FREM2: variants seen among roughly 807,000 people sequenced by gnomAD.
The protein encoded by FREM2 is FRAS1-related extracellular matrix protein 2.
FREM2 carries 119 observed loss-of-function variants against 219.9 expected under a neutral mutation model. That is an observed-to-expected ratio of 0.54 (90% CI 0.47 to 0.63). The LOEUF is 0.63. FREM2 is among the 30% of genes least tolerant of loss of function. FREM2 has a pLI of 0.00. For synonymous variants in FREM2, 1,562 were observed against 1,522.8 expected (o/e 1.03, Z -0.60); for missense variants, 4,030 against 3,993.6 (o/e 1.01, Z -0.25).
Position 38,688,896 on chromosome 13 carries a change from G to A in FREM2, c.1552G>A (p.Val518Ile). The change falls in exon 1 of 24, where the codon GTC (valine) becomes ATC (isoleucine). Residue 518 changes from valine to isoleucine, a missense_variant. By Grantham distance (29) the Val-to-Ile change is conservative (BLOSUM62 3). Transcript: ENST00000280481. Reference sequence around the variant, plus strand: ...GGCTGAGCTGGCAGCCGGCCAGGTGGTCTACCAGCATGATGACAGAGACGG... The same window carrying A: ...GGCTGAGCTGGCAGCCGGCCAGGTGATCTACCAGCATGATGACAGAGACGG... ...TVAELAAGQV[V>I]YQHDDRDGSL... The A allele has an allele frequency of 1.2e-6, 2 of 1,613,058 alleles. No homozygotes were observed. Among genetic ancestry groups the A allele is most frequent in the Non-Finnish European group, 8.5e-7 (1 of 1,179,522 alleles).
rs117934538 is a variant in FREM2 at position 38,810,030 on chromosome 13, C to G, written c.6019+25222C>G. The stretch of plus-strand genomic sequence containing the variant: ...AGTGTTTTATGGTTTTGTTGTAGAG[C>G]TCTTTCATTTCTTTGTTTAAGTTGA... On this transcript the variant is annotated intron_variant, in intron 6 of 23. Transcript: ENST00000280481. Among the ~76,000 whole-genome samples the G allele has an allele frequency of 5.3e-3, 812 of 151,816 alleles. 36 individuals carry two copies. In the East Asian group the frequency reaches 0.11, roughly 20 times the overall value.
intron 4 of FREM2, among the ~76,000 whole-genome samples, chr13:38,771,400 A>G (rs1873655110): frequency 6.6e-6 from 1 of 152,102 alleles, no homozygotes; most frequent in African/African-American, 2.4e-5. Flanking sequence ...ATTTTTTGAT[A>G]TTTCATTTCC....
intron 23 of FREM2, among the ~76,000 whole-genome samples, chr13:38,879,561 C>T (rs748215113): frequency 1.3e-5 from 2 of 152,148 alleles, no homozygotes; most frequent in African/African-American, 2.4e-5. Context: ...AAATCTCTGC[C>T]GAAGCAAGTG....
chr13:38,691,181 T>C lies in FREM2; in HGVS notation c.3837T>C (p.Ile1279=), dbSNP rs1281972760. 2.5e-6 allele frequency: 4 copies of C among 1,613,898 alleles called. No homozygotes were observed. The highest frequency in any genetic ancestry group is 2.5e-6 in the Non-Finnish European group (3 of 1,179,994). ...DSETQEDSFV[I]KLTDGKHSVE... is the part of the protein sequence containing the mutation. ...AGACCCAGGAAGACAGTTTTGTGATTAAACTAACAGATGGGAAGCACTCTG... is the reference window on the plus strand; with the variant it reads ...AGACCCAGGAAGACAGTTTTGTGATCAAACTAACAGATGGGAAGCACTCTG... The change falls in exon 1 of 24, where the codon ATT becomes ATC. Residue 1279 remains isoleucine (I), a synonymous_variant. Transcript: ENST00000280481.
At chr13:38,705,685 A>G (rs1442469796) in intron 2 of FREM2, among the ~76,000 whole-genome samples, 1 of 152,220 alleles carries the variant, frequency 6.6e-6, no homozygotes, top group Non-Finnish European at 1.5e-5. Context: ...TCATGAAAAT[A>G]AGATCATTCA....
At position 38,687,303 on chromosome 13, in the gene FREM2, C is replaced by T. The variant is rs1247314148; in HGVS notation, c.-42C>T. ...GTTGTCTGCCCGGGGACCGACTTCG[C>T]ATGCTCTCAGGCTGACCTGTCCAAG... On this transcript the variant is annotated 5_prime_UTR_variant, in exon 1 of 24. Transcript: ENST00000280481. 1 of 1,565,534 alleles carries T rather than the reference C, an allele frequency of 6.4e-7. No homozygotes were observed. The highest frequency in any genetic ancestry group is 1.9e-5 in the Admixed American group (1 of 53,638).
rs565063490 is a variant in FREM2, at chr13:38,813,745, G to A, written c.6019+28937G>A. Among the ~76,000 whole-genome samples, 5 of 150,564 alleles carry A rather than the reference G, an allele frequency of 3.3e-5. No homozygotes were observed. In the South Asian group the frequency reaches 1.1e-3, roughly 32 times the overall value. On this transcript the variant is annotated intron_variant, in intron 6 of 23. Coordinates refer to ENST00000280481, the MANE Select transcript of FREM2 (RefSeq NM_207361.6). ...CTTGAATGTTTATCTTTTTCTCTAG[G>A]TTTGGGAAGTTCTCTGATATTATCC...
Position 38,818,653 on chromosome 13 carries a change from A to G in FREM2, c.6020-27920A>G, listed in dbSNP as rs576065594. 2.4e-4 allele frequency among the ~76,000 whole-genome samples: 36 copies of G among 152,222 alleles called. 1 individual carries two copies. The South Asian group carries it at 7.3e-3, about 31-fold the overall frequency. The stretch of plus-strand genomic sequence containing the variant: ...CACAGTAGTGTGACTATGGTTAACA[A>G]TAAAATATTATATATTATAAAAAAG... On this transcript the variant is annotated intron_variant, in intron 6 of 23. Transcript: ENST00000280481.
chr13:38,753,094 G>T (rs1872844547), intron 2 of FREM2, among the ~76,000 whole-genome samples: 1 of 152,160 alleles, frequency 6.6e-6, no homozygotes, highest in Admixed American at 6.6e-5. Context: ...TCCCCAGAGG[G>T]AGAAGAGGGT....
chr13:38,691,555 C>G lies in FREM2; in HGVS notation c.4211C>G (p.Pro1404Arg), dbSNP rs757891332. ...IKFDVTDGIN[P>R]LIDRYFYVSI... ...TTTGATGTGACTGATGGAATAAATC[C>G]CCTCATAGATCGTTACTTTTATGTG... The change falls in exon 1 of 24, where the codon CCC (proline) becomes CGC (arginine). Residue 1404 changes from proline (P) to arginine (R), a missense_variant. Around this residue, in one of 2 missense-constraint regions of FREM2, gnomAD observed 3,102 missense variants for 2,950.7 expected, o/e 1.05. Transcript: ENST00000280481. 5 of 1,614,044 alleles carry G rather than the reference C, an allele frequency of 3.1e-6. No homozygotes were observed. The South Asian group carries it at 5.5e-5, about 18-fold the overall frequency.
chr13:38,712,873 T>A (rs888766031), intron 2 of FREM2, among the ~76,000 whole-genome samples: 1 of 152,324 alleles, frequency 6.6e-6, no homozygotes, highest in East Asian at 1.9e-4. Context: ...GATAGTAACA[T>A]GATTGAGCAT....
intron 6 of FREM2, among the ~76,000 whole-genome samples, chr13:38,831,743 G>A (rs1876518949): frequency 6.6e-6 from 1 of 150,772 alleles, no homozygotes; most frequent in Non-Finnish European, 1.5e-5. Flanking sequence ...CTGAGTAGCT[G>A]GGACTACAGG....
intron 2 of FREM2, among the ~76,000 whole-genome samples, chr13:38,711,777 G>A (rs897004958): frequency 3.9e-5 from 6 of 152,044 alleles, no homozygotes; most frequent in Non-Finnish European, 7.4e-5. Flanking sequence ...GAAGTGAATC[G>A]AGTTTATGTA....
chr13:38,785,235 A>G (rs1468205204), intron 6 of FREM2, among the ~76,000 whole-genome samples: 1 of 152,206 alleles, frequency 6.6e-6, no homozygotes, highest in East Asian at 1.9e-4. Flanking sequence ...TGTTAAATGA[A>G]TAACTAGTAA....
chr13:38,726,337 G>A (rs183857408), intron 2 of FREM2, among the ~76,000 whole-genome samples: 4 of 152,252 alleles, frequency 2.6e-5, no homozygotes, highest in East Asian at 1.9e-4. Context: ...TAGAGGAGGT[G>A]GTTTGGAATA....
chr13:38,871,523 G>A (rs1444762342), intron 16 of FREM2, among the ~76,000 whole-genome samples: 1 of 152,150 alleles, frequency 6.6e-6, no homozygotes, highest in African/African-American at 2.4e-5. Flanking sequence ...CCTTAGGACT[G>A]CCTTCATCTT....
rs372938184 is a variant in FREM2 at position 38,783,203 on chromosome 13, G to A, written c.5767+8G>A. Reference sequence around the variant, plus strand: ...TCTGTTATACCCAACAAGGTAGCTCGATTTGCCGAAAAACTAAGATAACCC... The same window carrying A: ...TCTGTTATACCCAACAAGGTAGCTCAATTTGCCGAAAAACTAAGATAACCC... On this transcript the variant is annotated splice_region_variant and intron_variant, in intron 5 of 23. Coordinates refer to ENST00000280481, the MANE Select transcript of FREM2 (RefSeq NM_207361.6). The A allele has an allele frequency of 6.4e-5, 103 of 1,613,868 alleles. No homozygotes were observed. The highest frequency in any genetic ancestry group is 1.3e-4 in the African/African-American group (10 of 74,920).
intron 2 of FREM2, among the ~76,000 whole-genome samples, chr13:38,746,291 A>G (rs941660119): frequency 6.6e-6 from 1 of 152,196 alleles, no homozygotes; most frequent in Non-Finnish European, 1.5e-5. Flanking sequence ...CCTGTACACA[A>G]TGAGGCTACT....
chr13:38,705,014 A>G (rs1337375693), intron 2 of FREM2, among the ~76,000 whole-genome samples: 1 of 152,152 alleles, frequency 6.6e-6, no homozygotes, highest in African/African-American at 2.4e-5. Flanking sequence ...ATTCGAAATG[A>G]GATTTGGGTG....
Sources: gnomAD v4.1 joint callset for allele counts (sites outside exome capture counted in the v4.1 genomes callset) on GRCh38, gnomAD v4.1.1 for gene constraint, gnomAD v4.1.1 regional missense constraint, MANE v1.5 for transcripts, NCBI Gene and HGNC (gene_info 2026-07-23, HGNC 2026-07-21) for gene names.